RELN: variants seen among roughly 807,000 people sequenced by gnomAD.
The protein encoded by RELN is reelin.
Under a neutral mutation model 427.6 loss-of-function variants are expected in RELN, and 108 were observed. That is an observed-to-expected ratio of 0.25 (90% CI 0.22 to 0.30). The LOEUF (loss-of-function observed/expected upper bound fraction) is 0.30. RELN is among the 10% of genes least tolerant of loss of function. The probability of loss-of-function intolerance (pLI) is 1.00; values close to 1 mark genes in which losing one functional copy is unlikely to be tolerated. For synonymous variants in RELN, 1,524 were observed against 1,513.4 expected (o/e 1.01, Z -0.16); for missense variants, 3,715 against 4,302.8 (o/e 0.86, Z 3.82).
chr7:103,524,167 G>A (rs774045916), intron 46 of RELN, among the ~76,000 whole-genome samples: 3 of 152,256 alleles, frequency 2.0e-5, no homozygotes, highest in Non-Finnish European at 2.9e-5. Context: ...TTTCGTGTGG[G>A]AAGTACCATG....
intron 17 of RELN, 87 bp from the exon 18 acceptor site, chr7:103,636,555 G>T: frequency 1.2e-6 from 1 of 862,018 alleles, no homozygotes; most frequent in Non-Finnish European, 1.9e-6. Context: ...GAAGTCCAGA[G>T]ACTAGGATTT....
intron 2 of RELN, among the ~76,000 whole-genome samples, chr7:103,835,464 C>A (rs116746405): frequency 6.6e-6 from 1 of 152,010 alleles, no homozygotes; most frequent in Non-Finnish European, 1.5e-5. Flanking sequence ...AATGATGTGT[C>A]GATGTAGGTT....
chr7:103,648,134 T>C (rs1832835468), intron 16 of RELN, among the ~76,000 whole-genome samples: 1 of 152,012 alleles, frequency 6.6e-6, no homozygotes, highest in Admixed American at 6.6e-5. Flanking sequence ...TTTGTGTCCC[T>C]GCCCAAATCT....
chr7:103,836,353 A>G (rs1020359232), intron 2 of RELN, among the ~76,000 whole-genome samples: 4 of 152,242 alleles, frequency 2.6e-5, no homozygotes, highest in Admixed American at 6.5e-5. Context: ...TGATACAATT[A>G]AAAATTCAGT....
chr7:103,966,865 A>T (rs1483949522), intron 1 of RELN, among the ~76,000 whole-genome samples: 2 of 152,172 alleles, frequency 1.3e-5, no homozygotes, highest in Non-Finnish European at 2.9e-5. Flanking sequence ...GAACTTGCAC[A>T]TCTTCCCAAA....
Position 103,909,754 on chromosome 7 carries a change from T to TATATATATTTAATATATA in RELN, c.337+7320_337+7321insTATATATTAAATATATAT, listed in dbSNP as rs1563085026. On this transcript the variant is annotated intron_variant, in intron 2 of 64. Transcript: ENST00000428762. The stretch of plus-strand genomic sequence containing the variant: ...TTTTTAATATATATAAATATATATA[T>TATATATATTTAATATATA]TAAATATATATATTTAATATATATA... Among the ~76,000 whole-genome samples, 64 of 61,332 alleles carry TATATATATTTAATATATA rather than the reference T, an allele frequency of 1.0e-3. 6 individuals carry two copies. Among genetic ancestry groups the TATATATATTTAATATATA allele is most frequent in the Non-Finnish European group, 1.2e-3 (44 of 37,294 alleles). The allele number at this position is 61,332 out of a possible 152,430, so 40.2% of individuals were successfully genotyped here.
At chr7:103,746,072 T>C (rs1054244147) in intron 6 of RELN, among the ~76,000 whole-genome samples, 1 of 152,018 alleles carries the variant, frequency 6.6e-6, no homozygotes, top group Admixed American at 6.5e-5. Context: ...AACAGAGATA[T>C]AGACCAATGG....
At chr7:103,549,985 C>T (rs1024143812) in intron 41 of RELN, among the ~76,000 whole-genome samples, 1 of 152,198 alleles carries the variant, frequency 6.6e-6, no homozygotes, top group African/African-American at 2.4e-5. Context: ...CACTCTTTGC[C>T]TCCTCTGGCT....
chr7:103,867,078 C>G (rs574814472), intron 2 of RELN, among the ~76,000 whole-genome samples: 131 of 152,224 alleles, frequency 8.6e-4, no homozygotes, highest in African/African-American at 2.9e-3. Context: ...AATTAGATTA[C>G]TTCTATCTCA....
At chr7:103,611,528 G>A (rs1831955703) in intron 21 of RELN, 83 bp downstream of exon 21, 1 of 1,007,064 alleles carries the variant, frequency 9.9e-7, no homozygotes, top group South Asian at 1.5e-5. Context: ...TAAACTTCTA[G>A]AACTGTAATT....
intron 13 of RELN, among the ~76,000 whole-genome samples, chr7:103,653,160 C>T (rs768228376): frequency 6.6e-6 from 1 of 152,000 alleles, no homozygotes; most frequent in Non-Finnish European, 1.5e-5. Flanking sequence ...AAGGGCTTTC[C>T]AAACTAGTAT....
chr7:103,806,009 C>G (rs1157791957), intron 3 of RELN, among the ~76,000 whole-genome samples: 1 of 152,110 alleles, frequency 6.6e-6, no homozygotes, highest in African/African-American at 2.4e-5. Flanking sequence ...AGAAGTCAAG[C>G]TTTTACAATT....
intron 2 of RELN, among the ~76,000 whole-genome samples, chr7:103,909,699 T>A (rs1355719049): frequency 6.7e-5 from 4 of 59,630 alleles, no homozygotes; most frequent in African/African-American, 9.6e-5. Flanking sequence ...ATATATATAT[T>A]TAATATATAT....
chr7:103,780,946 C>T (rs1266424967), intron 3 of RELN, among the ~76,000 whole-genome samples: 1 of 152,142 alleles, frequency 6.6e-6, no homozygotes, highest in African/African-American at 2.4e-5. Flanking sequence ...TGCTGCTGCC[C>T]AAACCCTGGA....
chr7:103,727,750 C>A (rs951926044), intron 7 of RELN, among the ~76,000 whole-genome samples: 1 of 151,980 alleles, frequency 6.6e-6, no homozygotes, highest in Non-Finnish European at 1.5e-5. Flanking sequence ...TTTTGACTTG[C>A]AAGGAGAAAA....
intron 1 of RELN, among the ~76,000 whole-genome samples, chr7:103,954,982 T>C (rs1489659956): frequency 6.6e-6 from 1 of 152,242 alleles, no homozygotes; most frequent in South Asian, 2.1e-4. Flanking sequence ...CGGCCATCCT[T>C]GGCTTTAAAA....
intron 61 of RELN, 110 bp downstream of exon 61, chr7:103,486,087 C>T: frequency 1.0e-6 from 1 of 1,001,846 alleles, no homozygotes; most frequent in Admixed American, 1.8e-5. Flanking sequence ...GTTTTCACTG[C>T]TTAGTGACAT....
At chr7:103,763,440 T>C (rs547165593) in intron 4 of RELN, among the ~76,000 whole-genome samples, 21 of 152,306 alleles carry the variant, frequency 1.4e-4, no homozygotes, top group Admixed American at 1.1e-3. Flanking sequence ...AAGTGTAGTA[T>C]AAAATACATT....
At chr7:103,955,297 T>G (rs1411449126) in intron 1 of RELN, among the ~76,000 whole-genome samples, 1 of 152,220 alleles carries the variant, frequency 6.6e-6, no homozygotes, top group Non-Finnish European at 1.5e-5. Flanking sequence ...AAATCTCTTA[T>G]GACCCTATGG....
Sources: allele counts gnomAD v4.1 joint callset (sites outside exome capture counted in the v4.1 genomes callset), GRCh38; gene constraint gnomAD v4.1.1; transcripts MANE v1.5; gene names NCBI Gene and HGNC (gene_info 2026-07-23, HGNC 2026-07-21).